HTRA1: variants seen among roughly 807,000 people sequenced by gnomAD.
HTRA1 encodes HtrA serine peptidase 1.
HTRA1 carries 26 observed loss-of-function variants against 49.7 expected under a neutral mutation model. The ratio of observed to expected loss-of-function variants is 0.52; its 90% CI spans 0.38 to 0.73. The LOEUF (loss-of-function observed/expected upper bound fraction) is 0.73, where lower values mean the gene tolerates loss of function less well. Ranked by LOEUF, HTRA1 falls within the 30% of genes least tolerant of loss-of-function variation. HTRA1 has a pLI of 0.00. For missense variants in HTRA1, 561 were observed against 667.2 expected (o/e 0.84, Z 1.75); for synonymous variants, 291 against 286.9 (o/e 1.01, Z -0.14).
chr10:122,486,804 G>A (rs1357568361), intron 1 of HTRA1, among the ~76,000 whole-genome samples: 3 of 151,920 alleles, frequency 2.0e-5, no homozygotes, highest in African/African-American at 7.3e-5. Context: ...ATGTGTGACT[G>A]TATGTATGTG....
intron 2 of HTRA1, 79 bp downstream of exon 2, chr10:122,489,080 T>A: frequency 1.0e-6 from 1 of 992,706 alleles, no homozygotes; most frequent in Non-Finnish European, 1.6e-6. Context: ...ATTTTTGAGA[T>A]ACATTAAAGT....
chr10:122,506,599 C>A lies in HTRA1; in HGVS notation c.778-92C>A. On this transcript the variant is annotated intron_variant, in intron 3 of 8. Transcript: ENST00000368984. The surrounding 1 kb of genome is among the most constrained non-coding windows in gnomAD (Gnocchi z 5.2). ...GGCCTGGTGTTTCCAAATAGCCCGT[C>A]ACTGTCCCTGCTTGGTTTTCCATGA... 2.7e-6 allele frequency: 3 copies of A among 1,122,264 alleles called. 1 individual carries two copies. Among genetic ancestry groups the A allele is most frequent in the South Asian group, 2.5e-5 (2 of 80,430 alleles). The allele number at this position is 1,122,264 out of a possible 1,614,324, so 69.5% of individuals were successfully genotyped here. A position where few individuals can be genotyped will look rare whatever the true frequency, so the allele number is the denominator to read the frequency against.
intron 3 of HTRA1, among the ~76,000 whole-genome samples, chr10:122,493,717 C>A (rs775866728): frequency 6.6e-6 from 1 of 152,152 alleles, no homozygotes; most frequent in Non-Finnish European, 1.5e-5. Context: ...CATGTCCTTC[C>A]CATCTTATAT....
chr10:122,498,740 C>G (rs780074071), intron 3 of HTRA1, among the ~76,000 whole-genome samples: 1 of 152,224 alleles, frequency 6.6e-6, no homozygotes, highest in Non-Finnish European at 1.5e-5. Context: ...GCATGTGACC[C>G]GTGTACTCAC....
chr10:122,508,599 G>GC, intron 5 of HTRA1, 57 bp from the exon 6 acceptor site: 3 of 1,084,118 alleles, frequency 2.8e-6, no homozygotes, highest in Non-Finnish European at 4.3e-6. Context: ...CTCTCTGGGT[G>GC]TGTACCTGCC....
chr10:122,490,042 TA>T lies in HTRA1; in HGVS notation c.777+418del, dbSNP rs2097495040. On this transcript the variant is annotated intron_variant, in intron 3 of 8. Coordinates refer to ENST00000368984, the MANE Select transcript of HTRA1 (RefSeq NM_002775.5). The surrounding 1 kb of genome is among the most constrained non-coding windows in gnomAD (Gnocchi z 4.2). ...ACTGGGTTTTAGACTGAGCCATCCT[TA>T]ACTTGTCAACAGTTACTTTGAAAAC... 6.6e-6 allele frequency among the ~76,000 whole-genome samples: 1 copy of T among 152,224 alleles called. No homozygotes were observed. Among genetic ancestry groups the T allele is most frequent in the East Asian group, 1.9e-4 (1 of 5,182 alleles).
Position 122,487,397 on chromosome 10 carries a change from A to C in HTRA1, c.473-1505A>C, listed in dbSNP as rs528445594. On this transcript the variant is annotated intron_variant, in intron 1 of 8. Coordinates refer to ENST00000368984, the MANE Select transcript of HTRA1 (RefSeq NM_002775.5). This position sits in a 1 kb window ranked among gnomAD's most constrained non-coding sequence, Gnocchi z 4.8. ...CCAGGGACACACTGCCTCTGCCACC[A>C]CCCGTGCCACGAAAATGGGAGCCCA... is the stretch of plus-strand genomic sequence containing the variant. Among the ~76,000 whole-genome samples the C allele has an allele frequency of 3.7e-4, 57 of 152,166 alleles. No homozygotes were observed. The highest frequency in any genetic ancestry group is 1.3e-3 in the African/African-American group (56 of 41,506).
rs1040001847 is a variant in HTRA1 at position 122,494,003 on chromosome 10, C to T, written c.777+4377C>T. Among the ~76,000 whole-genome samples the T allele has an allele frequency of 6.6e-6, 1 of 152,146 alleles. No homozygotes were observed. Among genetic ancestry groups the T allele is most frequent in the Admixed American group, 6.5e-5 (1 of 15,278 alleles). On this transcript the variant is annotated intron_variant, in intron 3 of 8. Transcript: ENST00000368984. This position sits in a 1 kb window ranked among gnomAD's most constrained non-coding sequence, Gnocchi z 4.0. Reference sequence around the variant, plus strand: ...GCCAACCTTCCTGTCCTTCAGGCCTCTGATTAAATTCTGCCTTAGACATCT... The same window carrying T: ...GCCAACCTTCCTGTCCTTCAGGCCTTTGATTAAATTCTGCCTTAGACATCT...
chr10:122,491,340 G>A (rs760045370), intron 3 of HTRA1, among the ~76,000 whole-genome samples: 3 of 152,184 alleles, frequency 2.0e-5, no homozygotes, highest in Non-Finnish European at 4.4e-5. Flanking sequence ...ACAGCCCATG[G>A]GAAGGCGGGT....
intron 1 of HTRA1, among the ~76,000 whole-genome samples, chr10:122,488,620 G>A (rs771715196): frequency 6.6e-5 from 10 of 152,186 alleles, no homozygotes; most frequent in Non-Finnish European, 1.2e-4. Flanking sequence ...TGGAAAGGCT[G>A]GTGTGAGGTT....
chr10:122,511,019 G>T (rs2097505311), intron 7 of HTRA1, among the ~76,000 whole-genome samples: 1 of 151,962 alleles, frequency 6.6e-6, no homozygotes, highest in Non-Finnish European at 1.5e-5. Context: ...CCAGCTTCCT[G>T]GGTTCCTGTC....
chr10:122,466,926 G>T (rs976000326), intron 1 of HTRA1, among the ~76,000 whole-genome samples: 2 of 151,424 alleles, frequency 1.3e-5, no homozygotes. Flanking sequence ...AAATATTAAG[G>T]CTTCATAAAA....
At chr10:122,474,888 T>A (rs1002252634) in intron 1 of HTRA1, among the ~76,000 whole-genome samples, 1 of 152,176 alleles carries the variant, frequency 6.6e-6, no homozygotes, top group African/African-American at 2.4e-5. Context: ...AAACACAATT[T>A]TTTTTTTCTT....
chr10:122,465,520 T>A (rs1204926979), intron 1 of HTRA1, among the ~76,000 whole-genome samples: 1 of 152,196 alleles, frequency 6.6e-6, no homozygotes, highest in Non-Finnish European at 1.5e-5. Flanking sequence ...GCCTCGTTCA[T>A]AACCACCATG....
intron 1 of HTRA1, among the ~76,000 whole-genome samples, chr10:122,477,116 T>C (rs369188242): frequency 7.2e-4 from 109 of 152,100 alleles, no homozygotes; most frequent in Admixed American, 9.8e-4. Flanking sequence ...CACAGGTGCC[T>C]GCCACCATGC....
chr10:122,477,698 G>A (rs1591028141), intron 1 of HTRA1, among the ~76,000 whole-genome samples: 1 of 152,204 alleles, frequency 6.6e-6, no homozygotes, highest in Non-Finnish European at 1.5e-5. Context: ...TCAGGCTTTA[G>A]AGCAGGACTT....
At chr10:122,510,003 T>C in intron 6 of HTRA1, 93 bp from the exon 7 acceptor site, 1 of 1,083,484 alleles carries the variant, frequency 9.2e-7, no homozygotes, top group Middle Eastern at 2.4e-4. Flanking sequence ...TGGCCCTTCC[T>C]GCAACCTGGG....
intron 7 of HTRA1, 145 bp from the exon 8 acceptor site, chr10:122,511,825 T>A: frequency 1.5e-6 from 1 of 664,844 alleles, no homozygotes; most frequent in East Asian, 2.7e-5. Flanking sequence ...AGACAGGCAA[T>A]TTTAATTTTA....
intron 3 of HTRA1, among the ~76,000 whole-genome samples, chr10:122,496,228 CTTTTTTTTTTTTTT>C (rs71026021): frequency 1.3e-5 from 1 of 75,646 alleles, no homozygotes; most frequent in African/African-American, 5.4e-5. Flanking sequence ...ATTGTGGGTT[CTTTTTTTTTTTTTT>C]TTTTTTTTTT....
Sources: allele counts gnomAD v4.1 joint callset (sites outside exome capture counted in the v4.1 genomes callset), GRCh38; gene constraint gnomAD v4.1.1; non-coding constraint Gnocchi (gnomAD v3.1); transcripts MANE v1.5; gene names NCBI Gene and HGNC (gene_info 2026-07-23, HGNC 2026-07-21).